The following MOB3C variants were observed in gnomAD, a reference collection of about 807,000 sequenced individuals.
MOB3C encodes MOB1, Mps One Binder kinase activator-like 2C.
MOB3C carries 17 observed loss-of-function variants against 19.8 expected under a neutral mutation model. The ratio of observed to expected loss-of-function variants is 0.86; its 90% CI spans 0.59 to 1.29. The LOEUF is 1.29. Among genes scored for constraint, MOB3C ranks in the 50% most tolerant of loss-of-function variants. The pLI, the probability that MOB3C is intolerant of heterozygous loss-of-function variation, is 0.00. For missense variants in MOB3C, 291 were observed against 301.9 expected, an observed-to-expected ratio of 0.96 and a Z score of 0.27; for synonymous variants, 101 against 119.2, an observed-to-expected ratio of 0.85 and a Z score of 0.99.
chr1:46,615,187 G>A (rs955134385), intron 1 of MOB3C: 6 of 791,848 alleles, frequency 7.6e-6, no homozygotes, highest in African/African-American at 1.7e-5. Context: ...CTTTATGACA[G>A]TTAGAAATAG....
At position 46,612,934 on chromosome 1, in the gene MOB3C, T is replaced by C; in HGVS notation, c.388A>G (p.Asn130Asp). Residue 130 changes from asparagine (N) to aspartate (D), a missense_variant, in exon 2 of 4, where the codon AAC (asparagine) becomes GAC (aspartate). By Grantham distance (23) the Asn-to-Asp change is conservative (BLOSUM62 1). Coordinates refer to ENST00000319928, the MANE Select transcript of MOB3C (RefSeq NM_201403.3). ...CGCGTGGGAAAGACCTCTTCGTCGTTGATGAGGCCTTCGATCCAGTCCATG... is the reference window on the plus strand; with the variant it reads ...CGCGTGGGAAAGACCTCTTCGTCGTCGATGAGGCCTTCGATCCAGTCCATG... Reference protein sequence around the residue: ...LLMDWIEGLINDEEVFPTRVG... With the variant: ...LLMDWIEGLIDDEEVFPTRVG... The C allele has an allele frequency of 6.4e-7, 1 of 1,567,200 alleles. No homozygotes were observed.
intron 3 of MOB3C, 89 bp from the exon 4 acceptor site, chr1:46,609,773 G>C (rs1675430524): frequency 5.2e-6 from 8 of 1,544,126 alleles, no homozygotes; most frequent in Admixed American, 3.7e-5. Context: ...CTGCTCTTCT[G>C]TCTGAGCCTG....
chr1:46,609,864 A>G, intron 3 of MOB3C, 138 bp downstream of exon 3: 1 of 1,234,972 alleles, frequency 8.1e-7, no homozygotes, highest in Non-Finnish European at 1.2e-6. Flanking sequence ...CTATTGAAGT[A>G]CAGAATTCAC....
intron 1 of MOB3C, chr1:46,613,586 T>G (rs1675513957): frequency 3.5e-6 from 2 of 573,708 alleles, no homozygotes; most frequent in South Asian, 4.6e-5. Context: ...TCCTCCCATC[T>G]TGCTTTGTCT....
At chr1:46,614,837 G>T in intron 1 of MOB3C, 1 of 616,464 alleles carries the variant, frequency 1.6e-6, no homozygotes, top group Non-Finnish European at 2.8e-6. Context: ...TAGCTGGGGA[G>T]CTGTTTGAGA....
chr1:46,615,712 C>T (rs929901164), intron 1 of MOB3C: 2 of 152,164 alleles, frequency 1.3e-5, no homozygotes, highest in African/African-American at 4.8e-5. Context: ...AGCTCATGAC[C>T]AAGAGTAAAA....
intron 3 of MOB3C, 116 bp downstream of exon 3, chr1:46,609,886 T>C: frequency 7.6e-7 from 1 of 1,316,928 alleles, no homozygotes; most frequent in South Asian, 1.3e-5. Context: ...GTTAAATGAA[T>C]TGCCTTCCCC....
At chr1:46,614,820 G>T in intron 1 of MOB3C, 1 of 594,216 alleles carries the variant, frequency 1.7e-6, no homozygotes, top group Non-Finnish European at 3.0e-6. Flanking sequence ...CTGGCAAGAA[G>T]TCAAACTAGC....
chr1:46,610,750 C>T (rs973314950), intron 2 of MOB3C, among the ~76,000 whole-genome samples: 2 of 152,218 alleles, frequency 1.3e-5, no homozygotes, highest in African/African-American at 4.8e-5. Flanking sequence ...CATCATCTTC[C>T]ACATTTTCCC....
chr1:46,614,958 G>GA lies in MOB3C; in HGVS notation c.-50-1588dup, dbSNP rs767806091. 5.8e-5 allele frequency: 92 copies of GA among 1,586,682 alleles called. No individual in the cohort carries two copies. The Middle Eastern group carries it at 9.9e-4, about 17-fold the overall frequency. ...CCATTCAGCAGGAACTTGTTCTCTT[G>GA]AAAAAAACTCACAGATGTGAAAGGT... On this transcript the variant is annotated intron_variant, in intron 1 of 3. Transcript: ENST00000319928.
rs143872620 is a variant in MOB3C, at chr1:46,611,126, A to G, written c.419-922T>C. The stretch of plus-strand genomic sequence containing the variant: ...GCAAGAGTTAGTTCAGACAGCCCTC[A>G]TTCCTTCAAATATTCAACAACACGA... On this transcript the variant is annotated intron_variant, in intron 2 of 3. Coordinates refer to ENST00000319928, the MANE Select transcript of MOB3C (RefSeq NM_201403.3). The surrounding 1 kb of genome is among the most constrained non-coding windows in gnomAD (Gnocchi z 4.1). Among the ~76,000 whole-genome samples the G allele has an allele frequency of 1.3e-5, 2 of 152,290 alleles. No homozygotes were observed. The highest frequency in any genetic ancestry group is 4.8e-5 in the African/African-American group (2 of 41,546).
At chr1:46,616,506 T>G (rs1173493814) in intron 1 of MOB3C, 1 of 36,298 alleles carries the variant, frequency 2.8e-5, no homozygotes. Flanking sequence ...CCCTCCCCTC[T>G]GCCCCGTACT....
At chr1:46,612,807 AAATC>A (rs1228373331) in intron 2 of MOB3C, 93 bp downstream of exon 2, 6 of 1,251,314 alleles carry the variant, frequency 4.8e-6, no homozygotes, top group Non-Finnish European at 6.4e-6. Context: ...ATGGGGATGA[AAATC>A]AACCCCCAAC....
rs1041618970 is a variant in MOB3C, at chr1:46,609,344, G to T, written c.*311C>A. The T allele has an allele frequency of 1.7e-5, 8 of 471,426 alleles. No individual in the cohort carries two copies. In the East Asian group the frequency reaches 2.9e-4, roughly 17 times the overall value. 29.2% of individuals were successfully genotyped at this position (471,426 alleles called of 1,614,324 possible). ...GGCCACACCCACATTCCTCCAATAG[G>T]CTTGGGAACCAGCATGGAAGGGTCA... On this transcript the variant is annotated 3_prime_UTR_variant, in exon 4 of 4. Coordinates refer to ENST00000319928, the MANE Select transcript of MOB3C (RefSeq NM_201403.3).
intron 1 of MOB3C, chr1:46,613,621 G>A: frequency 1.8e-6 from 1 of 546,212 alleles, no homozygotes; most frequent in Non-Finnish European, 3.3e-6. Flanking sequence ...TTGCAGAGCT[G>A]GGCCTGGGCT....
In MOB3C at chr1:46,612,974, G is replaced by T. The variant is rs576489578; in HGVS notation, c.348C>A (p.Arg116=). 1 of 1,609,698 alleles carries T rather than the reference G, an allele frequency of 6.2e-7. No individual in the cohort carries two copies. Among genetic ancestry groups the T allele is most frequent in the East Asian group, 2.2e-5 (1 of 44,788 alleles). The change falls in exon 2 of 4, where the codon CGC becomes CGA. Residue 116 remains arginine, a synonymous_variant. Coordinates refer to ENST00000319928, the MANE Select transcript of MOB3C (RefSeq NM_201403.3). ...TCCAGTCCATGAGCAATGCCATATA[G>T]CGCGGCGCAGAGAGCTTGGCGGGCC... is the stretch of plus-strand genomic sequence containing the variant. ...YRRPAKLSAP[R]YMALLMDWIE... is the part of the protein sequence containing the mutation.
At position 46,612,950 on chromosome 1, in the gene MOB3C, C is replaced by G; in HGVS notation, c.372G>C (p.Trp124Cys). 6.3e-7 allele frequency: 1 copy of G among 1,585,374 alleles called. No homozygotes were observed. Among genetic ancestry groups the G allele is most frequent in the Non-Finnish European group, 8.6e-7 (1 of 1,162,240 alleles). ...APRYMALLMD[W>C]IEGLINDEEV... ...CTTCGTCGTTGATGAGGCCTTCGAT[C>G]CAGTCCATGAGCAATGCCATATAGC... The change falls in exon 2 of 4, where the codon TGG becomes TGC. Residue 124 changes from tryptophan to cysteine, a missense_variant. Physicochemically the swap from Trp to Cys is radical, Grantham distance 215. Coordinates refer to ENST00000319928, the MANE Select transcript of MOB3C (RefSeq NM_201403.3).
intron 1 of MOB3C, chr1:46,613,674 G>A (rs954565981): frequency 5.0e-6 from 2 of 398,722 alleles, no homozygotes; most frequent in African/African-American, 4.1e-5. Context: ...CACGAGAGAG[G>A]TCGCAGAGGC....
chr1:46,613,957 G>A (rs958002112), intron 1 of MOB3C: 1 of 152,298 alleles, frequency 6.6e-6, no homozygotes, highest in African/African-American at 2.4e-5. Flanking sequence ...TGCCAGCTGG[G>A]CGGCTTCTGA....
Sources: gnomAD v4.1 joint callset for allele counts (sites outside exome capture counted in the v4.1 genomes callset) on GRCh38, gnomAD v4.1.1 for gene constraint, Gnocchi (gnomAD v3.1) non-coding constraint, MANE v1.5 for transcripts, NCBI Gene and HGNC (gene_info 2026-07-23, HGNC 2026-07-21) for gene names.